Variants in KCNH1 observed in about 807,000 individuals in gnomAD.
The protein encoded by KCNH1 is voltage-gated delayed rectifier potassium channel KCNH1.
KCNH1 carries 27 observed loss-of-function variants against 69.2 expected under a neutral mutation model. The observed-to-expected ratio is 0.39, with a 90% CI of 0.29 to 0.54. The LOEUF is 0.54. KCNH1 is among the 20% of genes least tolerant of loss of function. The pLI is 0.68. For synonymous variants in KCNH1, 456 were observed against 487.7 expected, an observed-to-expected ratio of 0.93 and a Z score of 0.86; for missense variants, 798 against 1,261.6, an observed-to-expected ratio of 0.63 and a Z score of 5.57.
Position 210,756,013 on chromosome 1 carries a change from C to G in KCNH1, c.2112+19335G>C, listed in dbSNP as rs530405339. Among the ~76,000 whole-genome samples, 3 of 152,302 alleles carry G rather than the reference C, an allele frequency of 2.0e-5. No homozygotes were observed. The South Asian group carries it at 6.2e-4, about 32-fold the overall frequency. ...ACTTTACGAAAGGAGAGGTTGCCAG[C>G]GTACTGCATGGCACGCTGCTAGCTA... On this transcript the variant is annotated intron_variant, in intron 10 of 10. Transcript: ENST00000271751.
chr1:211,023,459 A>G (rs187572592), intron 5 of KCNH1, among the ~76,000 whole-genome samples: 1 of 151,700 alleles, frequency 6.6e-6, no homozygotes, highest in East Asian at 1.9e-4. Flanking sequence ...ACCCAATAGA[A>G]TATTATTTGG....
chr1:210,882,755 G>A (rs763384343), intron 7 of KCNH1, among the ~76,000 whole-genome samples: 2 of 152,110 alleles, frequency 1.3e-5, no homozygotes, highest in Non-Finnish European at 2.9e-5. Context: ...GAATGTGCTC[G>A]CTGGAGGATT....
At chr1:210,845,391 G>T (rs1370045957) in intron 7 of KCNH1, among the ~76,000 whole-genome samples, 2,870 of 107,570 alleles carry the variant, frequency 0.027, no homozygotes, top group South Asian at 0.034. Context: ...TGATCAAGTG[G>T]GCTTCATCCC....
chr1:211,082,977 T>C, intron 4 of KCNH1, 79 bp from the exon 5 acceptor site: 1 of 1,196,606 alleles, frequency 8.4e-7, no homozygotes, highest in Non-Finnish European at 1.2e-6. Context: ...CAAGTTATAC[T>C]GTCAGAAACA....
At chr1:210,976,123 A>G (rs916154300) in intron 6 of KCNH1, among the ~76,000 whole-genome samples, 4 of 152,132 alleles carry the variant, frequency 2.6e-5, no homozygotes, top group African/African-American at 9.7e-5. Flanking sequence ...GAGGATATGG[A>G]GAAATAGGAA....
At chr1:211,121,339 C>G (rs909012881) in intron 1 of KCNH1, among the ~76,000 whole-genome samples, 11 of 152,058 alleles carry the variant, frequency 7.2e-5, no homozygotes, top group Non-Finnish European at 5.9e-5. Context: ...GACATATAGA[C>G]CAATGGAGCA....
At chr1:211,069,851 A>G (rs1379764703) in intron 5 of KCNH1, among the ~76,000 whole-genome samples, 1 of 152,204 alleles carries the variant, frequency 6.6e-6, no homozygotes, top group East Asian at 1.9e-4. Context: ...TTAACTTTTT[A>G]TAATGGATTT....
intron 7 of KCNH1, among the ~76,000 whole-genome samples, chr1:210,911,943 A>G (rs1385939451): frequency 6.6e-6 from 1 of 152,066 alleles, no homozygotes; most frequent in Non-Finnish European, 1.5e-5. Context: ...CCGACCAAAC[A>G]CACATCACAA....
chr1:211,132,151 G>A lies in KCNH1; in HGVS notation c.79+1716C>T, dbSNP rs79468147. On this transcript the variant is annotated intron_variant, in intron 1 of 10. Coordinates refer to ENST00000271751, the MANE Select transcript of KCNH1 (RefSeq NM_172362.3). ...TTTCCCCTCTAACTTACAGGGCACT[G>A]CCTCTTTACTGAAAAATAGAATTGT... 7.7e-3 allele frequency among the ~76,000 whole-genome samples: 1,168 copies of A among 152,254 alleles called. 14 individuals are homozygous for A. Among genetic ancestry groups the A allele is most frequent in the African/African-American group, 0.027 (1,119 of 41,534 alleles).
At chr1:210,935,165 C>T (rs1257052504) in intron 6 of KCNH1, among the ~76,000 whole-genome samples, 1 of 109,042 alleles carries the variant, frequency 9.2e-6, no homozygotes, top group Non-Finnish European at 1.9e-5. Flanking sequence ...CACACACACA[C>T]GAATAGTATT....
intron 6 of KCNH1, among the ~76,000 whole-genome samples, chr1:210,993,567 A>C (rs1688971928): frequency 1.3e-5 from 2 of 152,242 alleles, no homozygotes; most frequent in Admixed American, 1.3e-4. Flanking sequence ...ATGTCTTAAC[A>C]GAAATTTCCT....
chr1:210,765,919 C>T (rs909697733), intron 10 of KCNH1, among the ~76,000 whole-genome samples: 16 of 151,590 alleles, frequency 1.1e-4, no homozygotes, highest in African/African-American at 3.9e-4. Context: ...AAAAATTAGC[C>T]GGGCGTGGTG....
intron 1 of KCNH1, among the ~76,000 whole-genome samples, chr1:211,110,542 C>T (rs1301769354): frequency 6.6e-6 from 1 of 151,954 alleles, no homozygotes; most frequent in African/African-American, 2.4e-5. Flanking sequence ...AAGGTAAGCA[C>T]CTTATTAATT....
chr1:210,810,426 CTTCAT>C (rs1226978716), intron 7 of KCNH1, among the ~76,000 whole-genome samples: 1 of 152,124 alleles, frequency 6.6e-6, no homozygotes, highest in Non-Finnish European at 1.5e-5. Context: ...AATGTATGCA[CTTCAT>C]TTCAAGAAAA....
At position 211,027,103 on chromosome 1, in the gene KCNH1, A is replaced by G. The variant is rs565530972; in HGVS notation, c.559-7847T>C. 2.0e-4 allele frequency among the ~76,000 whole-genome samples: 31 copies of G among 152,312 alleles called. 1 individual carries two copies. The highest frequency in any genetic ancestry group is 8.3e-4 in the South Asian group (4 of 4,818). On this transcript the variant is annotated intron_variant, in intron 5 of 10. Transcript: ENST00000271751. ...ACATCAAATGGAATGAAAAACAGGT[A>G]ATCAATAGATGCCAACACCAAAATT...
chr1:210,774,728 G>A (rs1030634937), intron 10 of KCNH1, among the ~76,000 whole-genome samples: 10 of 152,092 alleles, frequency 6.6e-5, no homozygotes, highest in Non-Finnish European at 1.5e-4. Context: ...ATAGATGGAG[G>A]AGTTCTGATG....
chr1:210,695,057 A>G (rs969649347), intron 10 of KCNH1, among the ~76,000 whole-genome samples: 6 of 152,230 alleles, frequency 3.9e-5, no homozygotes, highest in African/African-American at 9.6e-5. Context: ...ATGGTGGTTC[A>G]GAGGCTGTTC....
intron 6 of KCNH1, among the ~76,000 whole-genome samples, chr1:210,986,971 C>G (rs1248107733): frequency 1.3e-5 from 2 of 152,136 alleles, no homozygotes; most frequent in Non-Finnish European, 2.9e-5. Flanking sequence ...TTCTTGGAGG[C>G]TTTGTTCATT....
chr1:210,833,056 A>G (rs1685196619), intron 7 of KCNH1, among the ~76,000 whole-genome samples: 4 of 152,000 alleles, frequency 2.6e-5, no homozygotes, highest in Admixed American at 2.6e-4. Context: ...CAGATCATTA[A>G]TAATCTGTAA....
Sources: gnomAD v4.1 joint callset for allele counts (sites outside exome capture counted in the v4.1 genomes callset) on GRCh38, gnomAD v4.1.1 for gene constraint, MANE v1.5 for transcripts, NCBI Gene and HGNC (gene_info 2026-07-23, HGNC 2026-07-21) for gene names.